Variants in AGPAT3 observed in about 807,000 individuals in gnomAD.
AGPAT3 encodes the protein 1-acylglycerol-3-phosphate O-acyltransferase 3, also known as 1-acyl-sn-glycerol-3-phosphate acyltransferase gamma.
Under a neutral mutation model 47.3 loss-of-function variants are expected in AGPAT3, and 5 were observed. The observed-to-expected ratio is 0.11, with a 90% CI of 0.06 to 0.22. The LOEUF (loss-of-function observed/expected upper bound fraction) is 0.22. Among genes scored for constraint, AGPAT3 ranks in the 10% least tolerant of loss-of-function variants. AGPAT3 has a pLI of 1.00. For missense variants in AGPAT3, 315 were observed against 493.0 expected (o/e 0.64, Z 3.42); for synonymous variants, 212 against 208.3 (o/e 1.02, Z -0.15).
At chr21:43,941,750 C>T (rs567071282) in intron 2 of AGPAT3, among the ~76,000 whole-genome samples, 11 of 152,368 alleles carry the variant, frequency 7.2e-5, no homozygotes, top group African/African-American at 2.4e-4. Context: ...AGCGAGCGGG[C>T]GACTCTGGCA....
At chr21:43,918,929 C>T (rs746076408) in intron 2 of AGPAT3, among the ~76,000 whole-genome samples, 50 of 152,066 alleles carry the variant, frequency 3.3e-4, no homozygotes, top group Admixed American at 4.6e-4. Context: ...ATGTGTTTAA[C>T]TTTTTTTTCT....
At chr21:43,910,978 A>G (rs2086619759) in intron 2 of AGPAT3, among the ~76,000 whole-genome samples, 1 of 152,212 alleles carries the variant, frequency 6.6e-6, no homozygotes, top group Admixed American at 6.5e-5. Flanking sequence ...AAATAATTAA[A>G]ATTGCATTCT....
At chr21:43,956,251 C>T (rs1395774957) in intron 2 of AGPAT3, among the ~76,000 whole-genome samples, 1 of 152,216 alleles carries the variant, frequency 6.6e-6, no homozygotes, top group Admixed American at 6.5e-5. Context: ...GTCTGAGGCT[C>T]TGCTCTAAGG....
intron 1 of AGPAT3, among the ~76,000 whole-genome samples, chr21:43,899,143 T>C (rs73371115): frequency 0.11 from 16,155 of 141,374 alleles, 1,656 homozygotes; most frequent in African/African-American, 0.29. Flanking sequence ...TTCCTCTGGT[T>C]AGAGTGTGCT....
chr21:43,873,025 G>A (rs764790807), intron 1 of AGPAT3, among the ~76,000 whole-genome samples: 5 of 152,206 alleles, frequency 3.3e-5, no homozygotes, highest in Non-Finnish European at 4.4e-5. Context: ...AAGACTGTGG[G>A]GACAAGTGCT....
chr21:43,890,226 T>C (rs1403012194), intron 1 of AGPAT3, among the ~76,000 whole-genome samples: 1 of 152,126 alleles, frequency 6.6e-6, no homozygotes, highest in East Asian at 1.9e-4. Context: ...TGAAAGTGTG[T>C]GGCCCCTCCC....
Position 43,983,261 on chromosome 21 carries a change from C to G in AGPAT3, c.*869C>G, listed in dbSNP as rs2029899678. On this transcript the variant is annotated 3_prime_UTR_variant, in exon 10 of 10. Coordinates refer to ENST00000291572, the MANE Select transcript of AGPAT3 (RefSeq NM_020132.5). Reference sequence around the variant, plus strand: ...CAGATCAGGAGCCAAGGAGGGAGAACAGGGCAGCCTGTGGGACTCTAGGAT... The same window carrying G: ...CAGATCAGGAGCCAAGGAGGGAGAAGAGGGCAGCCTGTGGGACTCTAGGAT... 6.6e-6 allele frequency: 1 copy of G among 152,348 alleles called. No homozygotes were observed. Among genetic ancestry groups the G allele is most frequent in the Admixed American group, 6.5e-5 (1 of 15,290 alleles). The allele number at this position is 152,348 out of a possible 1,614,324, so 9.4% of individuals were successfully genotyped here.
At position 43,952,302 on chromosome 21, in the gene AGPAT3, A is replaced by G. The variant is rs2088235883; in HGVS notation, c.-48-7332A>G. ...TTCATAAGGACACCGGTCAGATGGA[A>G]TCAGCGCCCACCCTGATGATATCAT... On this transcript the variant is annotated intron_variant, in intron 2 of 9. Coordinates refer to ENST00000291572, the MANE Select transcript of AGPAT3 (RefSeq NM_020132.5). This position sits in a 1 kb window ranked among gnomAD's most constrained non-coding sequence, Gnocchi z 5.6. Among the ~76,000 whole-genome samples, 1 of 152,132 alleles carries G rather than the reference A, an allele frequency of 6.6e-6. No individual in the cohort carries two copies.
intron 2 of AGPAT3, among the ~76,000 whole-genome samples, chr21:43,941,982 G>C (rs933026212): frequency 5.3e-5 from 8 of 152,262 alleles, no homozygotes. Context: ...CTGCTGACCA[G>C]GTGGCAGGGG....
chr21:43,981,037 C>G lies in AGPAT3; in HGVS notation c.892C>G (p.Gln298Glu), dbSNP rs201211093. Residue 298 changes from glutamine (Q) to glutamate (E), a missense_variant, in exon 9 of 10, where the codon CAG (glutamine) becomes GAG (glutamate). Coordinates refer to ENST00000291572, the MANE Select transcript of AGPAT3 (RefSeq NM_020132.5). The surrounding 1 kb of genome is among the most constrained non-coding windows in gnomAD (Gnocchi z 5.3). ...TCAGAAGGGCATGTTTCCAGGGGAG[C>G]AGTTTAAGCCTGCCCGGAGGCCGTG... is the stretch of plus-strand genomic sequence containing the variant. ...YNQKGMFPGE[Q>E]FKPARRPWTL... The G allele has an allele frequency of 1.7e-5, 27 of 1,614,064 alleles. No homozygotes were observed. The highest frequency in any genetic ancestry group is 4.0e-5 in the African/African-American group (3 of 74,916).
rs17004614 is a variant in AGPAT3, at chr21:43,880,531, G to A, written c.-112+15186G>A. 7.0e-3 allele frequency among the ~76,000 whole-genome samples: 1,071 copies of A among 152,258 alleles called. 12 individuals carry two copies. Among genetic ancestry groups the A allele is most frequent in the Middle Eastern group, 0.027 (8 of 294 alleles). ...GGTGGCTGTCCAGCTTTACTGGCAG[G>A]GATTCTGATGACTCAGAGACAGTAG... On this transcript the variant is annotated intron_variant, in intron 1 of 9. Transcript: ENST00000291572. The surrounding 1 kb of genome is among the most constrained non-coding windows in gnomAD (Gnocchi z 4.5).
chr21:43,979,128 G>A (rs930436408), intron 8 of AGPAT3, among the ~76,000 whole-genome samples: 9 of 152,006 alleles, frequency 5.9e-5, no homozygotes, highest in South Asian at 2.1e-4. Context: ...GTGAAACCCC[G>A]TCTCTACTAA....
intron 3 of AGPAT3, chr21:43,965,888 C>G (rs1355856014): frequency 2.0e-5 from 3 of 152,232 alleles, no homozygotes; most frequent in African/African-American, 2.4e-5. Flanking sequence ...GCTGGGATTA[C>G]AGGCTTGAGC....
At chr21:43,909,164 G>T (rs1241011377) in intron 2 of AGPAT3, among the ~76,000 whole-genome samples, 2 of 152,208 alleles carry the variant, frequency 1.3e-5, no homozygotes, top group Non-Finnish European at 2.9e-5. Flanking sequence ...TGCTCCAAGG[G>T]CCCCATTGGG....
chr21:43,906,441 G>C (rs930831564), intron 2 of AGPAT3, among the ~76,000 whole-genome samples: 1 of 152,056 alleles, frequency 6.6e-6, no homozygotes, highest in Non-Finnish European at 1.5e-5. Flanking sequence ...CATCTGAAAA[G>C]GCATGCAACT....
intron 1 of AGPAT3, among the ~76,000 whole-genome samples, chr21:43,898,030 C>T (rs1025676331): frequency 6.6e-6 from 1 of 152,152 alleles, no homozygotes; most frequent in African/African-American, 2.4e-5. Context: ...ACTCAGCAGG[C>T]TGAGGCAGGA....
rs776602425 is a variant in AGPAT3, at chr21:43,968,018, G to A, written c.251G>A (p.Arg84His). 9.9e-6 allele frequency: 16 copies of A among 1,613,854 alleles called. No individual in the cohort carries two copies. The highest frequency in any genetic ancestry group is 4.5e-5 in the East Asian group (2 of 44,878). The part of the protein sequence containing the change: ...TLFTDQATVE[R>H]FGKEHAVIIL... ...TTCACGGACCAGGCCACGGTAGAGC[G>A]CTTTGGGAAGGAGCACGCAGTCATC... Residue 84 changes from arginine (R) to histidine (H), a missense_variant, in exon 4 of 10, where the codon CGC becomes CAC. Physicochemically the swap from Arg to His is conservative, Grantham distance 29. Transcript: ENST00000291572.
chr21:43,970,139 C>A lies in AGPAT3; in HGVS notation c.511-514C>A, dbSNP rs1232734287. Among the ~76,000 whole-genome samples, 1 of 151,388 alleles carries A rather than the reference C, an allele frequency of 6.6e-6. No individual in the cohort carries two copies. The highest frequency in any genetic ancestry group is 1.5e-5 in the Non-Finnish European group (1 of 67,926). Reference sequence around the variant, plus strand: ...TTCTCCTCTCTCAGCCTCCAAGTTGCTGGGATTACAGGCACTCACCACCAC... The same window carrying A: ...TTCTCCTCTCTCAGCCTCCAAGTTGATGGGATTACAGGCACTCACCACCAC... On this transcript the variant is annotated intron_variant, in intron 5 of 9. Transcript: ENST00000291572. This position sits in a 1 kb window ranked among gnomAD's most constrained non-coding sequence, Gnocchi z 5.8.
chr21:43,984,610 C>T lies in AGPAT3; in HGVS notation c.*2218C>T, dbSNP rs1284684074. The T allele has an allele frequency of 1.9e-5, 3 of 158,112 alleles. No individual in the cohort carries two copies. Among genetic ancestry groups the T allele is most frequent in the African/African-American group, 7.4e-5 (3 of 40,782 alleles). The allele number at this position is 158,112 out of a possible 1,614,324, so 9.8% of individuals were successfully genotyped here. On this transcript the variant is annotated 3_prime_UTR_variant, in exon 10 of 10. Transcript: ENST00000291572. Reference sequence around the variant, plus strand: ...ACACCTCATCTGGTTTCCTTCCCATCTCACAGCTTAGCTTGTGCTTCTCAA... The same window carrying T: ...ACACCTCATCTGGTTTCCTTCCCATTTCACAGCTTAGCTTGTGCTTCTCAA...
Sources: allele counts gnomAD v4.1 joint callset (sites outside exome capture counted in the v4.1 genomes callset), GRCh38; gene constraint gnomAD v4.1.1; non-coding constraint Gnocchi (gnomAD v3.1); transcripts MANE v1.5; gene names NCBI Gene and HGNC (gene_info 2026-07-23, HGNC 2026-07-21).